Variants in SPTLC2 observed in about 807,000 individuals in gnomAD.
SPTLC2 encodes serine palmitoyltransferase 2.
In SPTLC2, 21 loss-of-function variants were observed where a neutral mutation model predicts 62.0. The ratio of observed to expected loss-of-function variants is 0.34; its 90% CI spans 0.24 to 0.49. The LOEUF (loss-of-function observed/expected upper bound fraction) is 0.49, where lower values mean the gene tolerates loss of function less well. Ranked by LOEUF, SPTLC2 falls within the 20% of genes least tolerant of loss-of-function variation. The probability of loss-of-function intolerance (pLI) is 0.99; values close to 1 mark genes in which losing one functional copy is unlikely to be tolerated. For missense variants in SPTLC2, 511 were observed against 713.0 expected, an observed-to-expected ratio of 0.72 and a Z score of 3.23; for synonymous variants, 261 against 261.8, an observed-to-expected ratio of 1.00 and a Z score of 0.03.
At chr14:77,611,119 C>G (rs1163193831) in intron 1 of SPTLC2, among the ~76,000 whole-genome samples, 1 of 135,900 alleles carries the variant, frequency 7.4e-6, no homozygotes, top group Non-Finnish European at 1.6e-5. Context: ...TGGGGAAACC[C>G]TGTCTCTACT....
intron 2 of SPTLC2, among the ~76,000 whole-genome samples, chr14:77,594,218 C>T (rs987163482): frequency 6.6e-6 from 1 of 152,168 alleles, no homozygotes; most frequent in Non-Finnish European, 1.5e-5. Flanking sequence ...AGGCCCATAA[C>T]TTTCAAATGT....
At chr14:77,590,735 T>C (rs947868771) in intron 2 of SPTLC2, among the ~76,000 whole-genome samples, 20 of 151,550 alleles carry the variant, frequency 1.3e-4, no homozygotes, top group Non-Finnish European at 2.9e-4. Context: ...TAAATAAAAA[T>C]AAAAATAAAT....
At chr14:77,546,291 G>T (rs1363725302) in intron 9 of SPTLC2, among the ~76,000 whole-genome samples, 3 of 152,112 alleles carry the variant, frequency 2.0e-5, no homozygotes, top group Non-Finnish European at 4.4e-5. Context: ...TGGTTAAAAG[G>T]CCTTTTGTGC....
At chr14:77,573,319 A>T (rs1015701508) in intron 4 of SPTLC2, among the ~76,000 whole-genome samples, 4 of 152,180 alleles carry the variant, frequency 2.6e-5, no homozygotes, top group African/African-American at 9.6e-5. Context: ...TATTTCAAAT[A>T]GCTAGACGAG....
At position 77,512,251 on chromosome 14, in the gene SPTLC2, G is replaced by C. The variant is rs897979284; in HGVS notation, c.*33C>G. 1.2e-6 allele frequency: 2 copies of C among 1,612,910 alleles called. No homozygotes were observed. Among genetic ancestry groups the C allele is most frequent in the South Asian group, 1.1e-5 (1 of 90,986 alleles). On this transcript the variant is annotated 3_prime_UTR_variant, in exon 12 of 12. Transcript: ENST00000216484. ...AAAGGCCACAGGCTGTCCTGGGTGA[G>C]GGAGAGTTCCTCTGAGGGAGCACCA...
At chr14:77,512,732 T>C (rs1346160307) in intron 11 of SPTLC2, among the ~76,000 whole-genome samples, 1 of 152,248 alleles carries the variant, frequency 6.6e-6, no homozygotes, top group Non-Finnish European at 1.5e-5. Context: ...CCTTTTGTTT[T>C]TGAGATGGAG....
chr14:77,567,432 C>T (rs76492106), intron 5 of SPTLC2, among the ~76,000 whole-genome samples: 5,877 of 152,326 alleles, frequency 0.039, 163 homozygotes, highest in Middle Eastern at 0.092. Flanking sequence ...CTTCAAAATG[C>T]AGGACAGCAA....
chr14:77,572,965 G>C (rs1258826530), intron 4 of SPTLC2, among the ~76,000 whole-genome samples: 4 of 152,336 alleles, frequency 2.6e-5, no homozygotes, highest in African/African-American at 7.2e-5. Context: ...CTCTCTACCA[G>C]CAATAAAAGG....
intron 9 of SPTLC2, among the ~76,000 whole-genome samples, chr14:77,526,573 T>A (rs2079410066): frequency 6.6e-6 from 1 of 152,176 alleles, no homozygotes. Flanking sequence ...CAATATGGTT[T>A]GTTAGAATAA....
chr14:77,533,355 T>A (rs1362894556), intron 9 of SPTLC2, among the ~76,000 whole-genome samples: 3 of 147,748 alleles, frequency 2.0e-5, no homozygotes, highest in African/African-American at 7.5e-5. Context: ...TAGCAATGTA[T>A]AACAAAGTCC....
intron 3 of SPTLC2, 75 bp from the exon 4 acceptor site, chr14:77,576,990 G>GAC: frequency 6.5e-7 from 1 of 1,529,136 alleles, no homozygotes; most frequent in Admixed American, 1.7e-5. Context: ...ATGAACTGGT[G>GAC]ACACAAAAGG....
At chr14:77,521,194 A>G (rs2079383190) in intron 10 of SPTLC2, among the ~76,000 whole-genome samples, 1 of 152,206 alleles carries the variant, frequency 6.6e-6, no homozygotes, top group African/African-American at 2.4e-5. Flanking sequence ...AAGGACAGAG[A>G]TGTTTGTATT....
At chr14:77,616,265 A>G (rs1012453066) in intron 1 of SPTLC2, among the ~76,000 whole-genome samples, 183 bp downstream of exon 1, 4 of 152,060 alleles carry the variant, frequency 2.6e-5, no homozygotes, top group African/African-American at 7.2e-5. Context: ...GGAGCCCCCG[A>G]GCCGTCCTTG....
chr14:77,523,355 G>C, intron 9 of SPTLC2, among the ~76,000 whole-genome samples: 1 of 151,232 alleles, frequency 6.6e-6, no homozygotes, highest in East Asian at 1.9e-4. Context: ...TGCTGCACAG[G>C]GAAGGAGGGC....
intron 2 of SPTLC2, among the ~76,000 whole-genome samples, chr14:77,592,930 T>G (rs545974285): frequency 1.4e-4 from 22 of 152,076 alleles, no homozygotes; most frequent in African/African-American, 5.3e-4. Flanking sequence ...GGTGAAACCT[T>G]GTATCTACTA....
In SPTLC2 at chr14:77,602,053, C is replaced by T. The variant is rs149817798; in HGVS notation, c.133-4673G>A. On this transcript the variant is annotated intron_variant, in intron 1 of 11. Coordinates refer to ENST00000216484, the MANE Select transcript of SPTLC2 (RefSeq NM_004863.4). ...CTTGGTGGCAAGTCAACTGCGGGGA[C>T]GCCTGCTTTGGCTGCTCCCCAACCC... is the stretch of plus-strand genomic sequence containing the variant. 5.1e-3 allele frequency among the ~76,000 whole-genome samples: 743 copies of T among 147,046 alleles called. 9 individuals are homozygous for T. The highest frequency in any genetic ancestry group is 0.017 in the African/African-American group (698 of 40,542).
intron 1 of SPTLC2, among the ~76,000 whole-genome samples, chr14:77,605,039 C>T (rs1433298029): frequency 6.6e-6 from 1 of 152,116 alleles, no homozygotes; most frequent in Non-Finnish European, 1.5e-5. Flanking sequence ...GACAGGGTCT[C>T]ACTCTGTTGC....
intron 5 of SPTLC2, among the ~76,000 whole-genome samples, chr14:77,563,086 G>GTT (rs11410068): frequency 2.0e-5 from 3 of 147,588 alleles, no homozygotes; most frequent in African/African-American, 7.4e-5. Flanking sequence ...TCTCGGTTTG[G>GTT]TTTTTTTTTT....
chr14:77,588,465 T>C (rs1310547765), intron 2 of SPTLC2, among the ~76,000 whole-genome samples: 1 of 150,642 alleles, frequency 6.6e-6, no homozygotes. Flanking sequence ...CCAAGGCAGG[T>C]GGATCGCTTG....
Sources: allele counts gnomAD v4.1 joint callset (sites outside exome capture counted in the v4.1 genomes callset), GRCh38; gene constraint gnomAD v4.1.1; transcripts MANE v1.5; gene names NCBI Gene and HGNC (gene_info 2026-07-23, HGNC 2026-07-21).